The following DPP10 variants were observed in gnomAD, a reference collection of about 807,000 sequenced individuals.
DPP10 encodes inactive dipeptidyl peptidase 10.
DPP10 carries 33 observed loss-of-function variants against 120.9 expected under a neutral mutation model. That is an observed-to-expected ratio of 0.27 (90% confidence interval 0.21 to 0.37). The LOEUF is 0.37. Ranked by LOEUF, DPP10 falls within the 10% of genes least tolerant of loss-of-function variation. DPP10 has a pLI of 1.00. For synonymous variants in DPP10, 337 were observed against 326.1 expected (o/e 1.03, Z -0.36); for missense variants, 816 against 942.8 (o/e 0.87, Z 1.76).
chr2:114,903,319 TA>T, intron 1 of DPP10, among the ~76,000 whole-genome samples: 2 of 152,316 alleles, frequency 1.3e-5, no homozygotes, highest in Middle Eastern at 3.4e-3. Flanking sequence ...ATTCAATGAA[TA>T]ATATGGTAAA....
At chr2:114,849,204 T>A (rs141034114) in intron 1 of DPP10, among the ~76,000 whole-genome samples, 16 of 152,298 alleles carry the variant, frequency 1.1e-4, no homozygotes, top group African/African-American at 3.8e-4. Flanking sequence ...CAAGTTTTTA[T>A]TGATTGATTT....
chr2:115,235,092 A>C (rs1156277177), intron 1 of DPP10, among the ~76,000 whole-genome samples: 1 of 152,178 alleles, frequency 6.6e-6, no homozygotes, highest in Non-Finnish European at 1.5e-5. Context: ...TTCATTGTGC[A>C]CTTGCTGATT....
At position 115,187,019 on chromosome 2, in the gene DPP10, C is replaced by CTT. The variant is rs147014349; in HGVS notation, c.61-122185_61-122184dup. 2.2e-4 allele frequency among the ~76,000 whole-genome samples: 14 copies of CTT among 63,178 alleles called. 4 individuals are homozygous for CTT. The highest frequency in any genetic ancestry group is 7.6e-4 in the East Asian group (2 of 2,636). 41.4% of individuals were successfully genotyped at this position (63,178 alleles called of 152,430 possible). A position where few individuals can be genotyped will look rare whatever the true frequency, so the allele number is the denominator to read the frequency against. ...GAATTCAGAAGGTGGTGCAAAGATT[C>CTT]TTTTTTTTTTTTTTTTTTTTTTTTT... On this transcript the variant is annotated intron_variant, in intron 1 of 25. Transcript: ENST00000410059.
chr2:115,675,924 C>T (rs977096965), intron 5 of DPP10, among the ~76,000 whole-genome samples: 10 of 152,162 alleles, frequency 6.6e-5, no homozygotes, highest in African/African-American at 2.4e-4. Context: ...CAGAGGGTTG[C>T]AGTGTTGCGC....
chr2:114,786,787 T>C (rs949683815), intron 1 of DPP10, among the ~76,000 whole-genome samples: 3 of 152,092 alleles, frequency 2.0e-5, no homozygotes, highest in African/African-American at 7.2e-5. Flanking sequence ...AGCAGTGTGG[T>C]GTTCTGGTCA....
chr2:115,438,216 GA>G (rs574409523), intron 3 of DPP10, among the ~76,000 whole-genome samples: 3 of 152,006 alleles, frequency 2.0e-5, no homozygotes, highest in African/African-American at 7.2e-5. Flanking sequence ...TGGCTGTCAT[GA>G]AAAAAATATT....
intron 1 of DPP10, among the ~76,000 whole-genome samples, chr2:114,471,913 T>C (rs10179672): frequency 0.041 from 6,253 of 152,242 alleles, 409 homozygotes; most frequent in African/African-American, 0.14. Context: ...AACCACAGGA[T>C]TGGTAGGATC....
chr2:114,654,210 C>G (rs868866866), intron 1 of DPP10, among the ~76,000 whole-genome samples: 1 of 152,194 alleles, frequency 6.6e-6, no homozygotes, highest in South Asian at 2.1e-4. Context: ...TTCTCTGTTT[C>G]TGCTTCTACT....
chr2:114,664,788 G>T (rs1697777707), intron 1 of DPP10, among the ~76,000 whole-genome samples: 1 of 151,330 alleles, frequency 6.6e-6, no homozygotes, highest in South Asian at 2.1e-4. Context: ...TCCAAAAGAT[G>T]GCAGAGAGCA....
intron 5 of DPP10, among the ~76,000 whole-genome samples, chr2:115,621,036 A>C (rs2084907076): frequency 6.6e-6 from 1 of 152,212 alleles, no homozygotes; most frequent in Admixed American, 6.5e-5. Context: ...CATGGTTATC[A>C]CCTGGGGATA....
At chr2:115,369,996 A>G (rs2065306356) in intron 3 of DPP10, among the ~76,000 whole-genome samples, 1 of 152,126 alleles carries the variant, frequency 6.6e-6, no homozygotes, top group African/African-American at 2.4e-5. Context: ...TGGGTTCTAA[A>G]GACATGTCTG....
At chr2:115,449,285 A>G (rs192405328) in intron 3 of DPP10, among the ~76,000 whole-genome samples, 28 of 152,258 alleles carry the variant, frequency 1.8e-4, no homozygotes, top group African/African-American at 6.7e-4. Context: ...TGACCATGTT[A>G]CTATTGGAAA....
chr2:114,691,037 T>C (rs1053688191), intron 1 of DPP10, among the ~76,000 whole-genome samples: 14 of 152,044 alleles, frequency 9.2e-5, no homozygotes, highest in African/African-American at 3.4e-4. Context: ...ACTTCCTCTC[T>C]TCCTATCTGA....
chr2:115,632,417 TTA>T (rs964352120), intron 5 of DPP10, among the ~76,000 whole-genome samples: 2 of 152,138 alleles, frequency 1.3e-5, no homozygotes, highest in Admixed American at 1.3e-4. Flanking sequence ...GTTAATATTA[TTA>T]TGTTTGATTT....
intron 3 of DPP10, among the ~76,000 whole-genome samples, chr2:115,421,816 A>G (rs1197924811): frequency 7.7e-6 from 1 of 129,350 alleles, no homozygotes; most frequent in East Asian, 2.6e-4. Context: ...GGTTGCAGTG[A>G]GCCGAGATTG....
intron 17 of DPP10, among the ~76,000 whole-genome samples, chr2:115,786,236 C>T (rs774053431): frequency 3.9e-5 from 6 of 152,184 alleles, no homozygotes; most frequent in African/African-American, 9.6e-5. Flanking sequence ...TTCAGAAAAA[C>T]GAATGTGTGT....
rs1371024350 is a variant in DPP10, at chr2:114,606,620, T to C, written c.60+163782T>C. On this transcript the variant is annotated intron_variant, in intron 1 of 25. Transcript: ENST00000410059. The stretch of plus-strand genomic sequence containing the variant: ...ACAGTCTGGAAGGGGAGAAGACAAA[T>C]GCAATACCATCTGGTGCCCAGAAGA... 3.9e-5 allele frequency among the ~76,000 whole-genome samples: 6 copies of C among 152,258 alleles called. No homozygotes were observed. The East Asian group carries it at 7.7e-4, about 20-fold the overall frequency.
At chr2:115,007,274 G>T (rs535756507) in intron 1 of DPP10, among the ~76,000 whole-genome samples, 1 of 152,088 alleles carries the variant, frequency 6.6e-6, no homozygotes. Context: ...TTCAATATAC[G>T]CAAATCAATA....
At chr2:115,779,129 T>G (rs1034396543) in intron 15 of DPP10, among the ~76,000 whole-genome samples, 14 of 152,070 alleles carry the variant, frequency 9.2e-5, no homozygotes, top group Non-Finnish European at 1.8e-4. Flanking sequence ...GTTCAGCAAA[T>G]GGAACTGCCT....
Sources: gnomAD v4.1 joint callset for allele counts (sites outside exome capture counted in the v4.1 genomes callset) on GRCh38, gnomAD v4.1.1 for gene constraint, MANE v1.5 for transcripts, NCBI Gene and HGNC (gene_info 2026-07-23, HGNC 2026-07-21) for gene names.